Variants in NEK11 observed in about 807,000 individuals in gnomAD.
The protein encoded by NEK11 is serine/threonine-protein kinase Nek11.
A neutral mutation model predicts 80.7 loss-of-function variants in NEK11; 72 were observed. That is an observed-to-expected ratio of 0.89 (90% CI 0.74 to 1.08). NEK11 has a LOEUF of 1.08. Among genes scored for constraint, NEK11 ranks in the 50% least tolerant of loss-of-function variants. NEK11 has a pLI of 0.00. For synonymous variants in NEK11, 251 were observed against 260.7 expected (o/e 0.96, Z 0.36); for missense variants, 764 against 763.6 (o/e 1.00, Z -0.01).
At chr3:131,123,387 G>A (rs928157844) in intron 5 of NEK11, among the ~76,000 whole-genome samples, 5 of 151,914 alleles carry the variant, frequency 3.3e-5, no homozygotes, top group South Asian at 4.2e-4. Context: ...GGCTGGTCTC[G>A]AACTCCTGAC....
intron 5 of NEK11, among the ~76,000 whole-genome samples, 156 bp downstream of exon 5, chr3:131,110,077 G>T (rs547373219): frequency 3.9e-5 from 6 of 152,142 alleles, no homozygotes; most frequent in Non-Finnish European, 8.8e-5. Flanking sequence ...TGAGAAAACT[G>T]TTGAATGATT....
At chr3:131,216,712 C>T (rs537275834) in intron 14 of NEK11, among the ~76,000 whole-genome samples, 3 of 152,276 alleles carry the variant, frequency 2.0e-5, no homozygotes, top group South Asian at 2.1e-4. Flanking sequence ...GTTCATTTCT[C>T]CCTCAGAATA....
intron 16 of NEK11, among the ~76,000 whole-genome samples, chr3:131,271,828 C>T (rs931138748): frequency 8.0e-5 from 12 of 150,488 alleles, no homozygotes; most frequent in Non-Finnish European, 1.2e-4. Context: ...TGGTGGCTCA[C>T]GCCTGTAATT....
intron 17 of NEK11, among the ~76,000 whole-genome samples, chr3:131,301,325 CAGAT>C (rs1462717852): frequency 6.6e-6 from 1 of 152,088 alleles, no homozygotes; most frequent in Non-Finnish European, 1.5e-5. Context: ...TATCTACAAA[CAGAT>C]AGTTTGATTT....
chr3:131,035,531 A>G (rs1283603102), intron 3 of NEK11, among the ~76,000 whole-genome samples: 1 of 152,220 alleles, frequency 6.6e-6, no homozygotes, highest in Non-Finnish European at 1.5e-5. Context: ...TCAGGGGTTC[A>G]GCCACCACCC....
chr3:131,270,861 A>C (rs527281485), intron 16 of NEK11, among the ~76,000 whole-genome samples: 11 of 152,286 alleles, frequency 7.2e-5, no homozygotes, highest in Non-Finnish European at 1.6e-4. Flanking sequence ...GCTCTGGAAA[A>C]GATGGGAAAG....
chr3:131,110,093 T>A (rs1292554630), intron 5 of NEK11, among the ~76,000 whole-genome samples, 172 bp downstream of exon 5: 1 of 152,168 alleles, frequency 6.6e-6, no homozygotes, highest in Non-Finnish European at 1.5e-5. Context: ...TGATTATATC[T>A]AGAGGATTTA....
intron 16 of NEK11, among the ~76,000 whole-genome samples, chr3:131,253,215 T>A (rs1376434146): frequency 6.6e-6 from 1 of 152,144 alleles, no homozygotes; most frequent in Non-Finnish European, 1.5e-5. Context: ...TTTGTGAAAG[T>A]ACCAGGGAAT....
intron 5 of NEK11, among the ~76,000 whole-genome samples, chr3:131,122,257 G>A (rs1033221): frequency 0.91 from 138,400 of 152,208 alleles, 63,443 homozygotes; most frequent in Non-Finnish European, 0.95. Context: ...AGATTTGAAG[G>A]TGGAAAAGCA....
intron 14 of NEK11, among the ~76,000 whole-genome samples, chr3:131,198,479 A>G (rs956871765): frequency 1.3e-5 from 2 of 152,260 alleles, no homozygotes; most frequent in African/African-American, 4.8e-5. Flanking sequence ...TCTGACAGCC[A>G]CAAGTCTCCT....
intron 14 of NEK11, among the ~76,000 whole-genome samples, chr3:131,222,557 C>T (rs6800866): frequency 0.77 from 117,110 of 152,194 alleles, 45,142 homozygotes; most frequent in South Asian, 0.81. Flanking sequence ...CACAGTAACT[C>T]GAGCTCTTCT....
chr3:131,335,793 C>G (rs1434802378), intron 17 of NEK11, among the ~76,000 whole-genome samples: 6 of 152,268 alleles, frequency 3.9e-5, no homozygotes, highest in African/African-American at 1.4e-4. Flanking sequence ...AATCAATGTG[C>G]AAAAATCACA....
chr3:131,282,586 G>C (rs1377356680), intron 17 of NEK11, among the ~76,000 whole-genome samples: 5 of 151,984 alleles, frequency 3.3e-5, no homozygotes, highest in African/African-American at 1.2e-4. Flanking sequence ...CTATTTAGAG[G>C]CTGCAGAAGG....
intron 4 of NEK11, among the ~76,000 whole-genome samples, chr3:131,092,251 T>A (rs1453396606): frequency 6.6e-6 from 1 of 152,208 alleles, no homozygotes; most frequent in Non-Finnish European, 1.5e-5. Flanking sequence ...CTCTTTGTGT[T>A]TTTGTTGTTT....
Position 131,128,844 on chromosome 3 carries a change from C to T in NEK11, c.456-3901C>T, listed in dbSNP as rs139706983. Among the ~76,000 whole-genome samples, 25 of 152,166 alleles carry T rather than the reference C, an allele frequency of 1.6e-4. 1 individual carries two copies. The South Asian group carries it at 2.9e-3, about 18-fold the overall frequency. ...GTGTTGTCAGTGTCTCGATTTGGGC[C>T]GTTCTAATAGGTGTGTAGTGGTACT... On this transcript the variant is annotated intron_variant, in intron 5 of 17. Coordinates refer to ENST00000383366, the MANE Select transcript of NEK11 (RefSeq NM_024800.5).
intron 14 of NEK11, among the ~76,000 whole-genome samples, chr3:131,192,909 C>T (rs1448379372): frequency 6.6e-6 from 1 of 152,056 alleles, no homozygotes; most frequent in African/African-American, 2.4e-5. Context: ...GGCTGGTGTC[C>T]CCAGCTACTG....
chr3:131,103,872 G>A lies in NEK11; in HGVS notation c.337-5931G>A, dbSNP rs190749907. Among the ~76,000 whole-genome samples the A allele has an allele frequency of 3.1e-3, 467 of 152,318 alleles. 5 individuals are homozygous for A. The highest frequency in any genetic ancestry group is 0.01 in the African/African-American group (435 of 41,562). Reference sequence around the variant, plus strand: ...CTAGGCTATGCACTGCAGCCCTGGGGAGAGATCAGGGTTTTTGTTCCTTCC... The same window carrying A: ...CTAGGCTATGCACTGCAGCCCTGGGAAGAGATCAGGGTTTTTGTTCCTTCC... On this transcript the variant is annotated intron_variant, in intron 4 of 17. Coordinates refer to ENST00000383366, the MANE Select transcript of NEK11 (RefSeq NM_024800.5).
intron 3 of NEK11, among the ~76,000 whole-genome samples, chr3:131,077,636 G>A (rs1417362559): frequency 6.6e-6 from 1 of 152,190 alleles, no homozygotes; most frequent in Non-Finnish European, 1.5e-5. Flanking sequence ...AATATTGCAA[G>A]TTGGTAAGAC....
chr3:131,302,420 T>C (rs1375591179), intron 17 of NEK11, among the ~76,000 whole-genome samples: 1 of 152,192 alleles, frequency 6.6e-6, no homozygotes, highest in Non-Finnish European at 1.5e-5. Flanking sequence ...GCCTCTTGTT[T>C]TTCTAATTCT....
Sources: gnomAD v4.1 joint callset for allele counts (sites outside exome capture counted in the v4.1 genomes callset) on GRCh38, gnomAD v4.1.1 for gene constraint, MANE v1.5 for transcripts, NCBI Gene and HGNC (gene_info 2026-07-23, HGNC 2026-07-21) for gene names.